Variants in TAFA2 observed in about 807,000 individuals in gnomAD.
TAFA2 encodes the protein chemokine-like protein TAFA-2.
In TAFA2, 7 loss-of-function variants were observed where a neutral mutation model predicts 18.8. The observed-to-expected ratio is 0.37, with a 90% confidence interval of 0.21 to 0.70. The LOEUF (loss-of-function observed/expected upper bound fraction) is 0.70, where lower values mean the gene tolerates loss of function less well. Ranked by LOEUF, TAFA2 falls within the 30% of genes least tolerant of loss-of-function variation. The pLI, the probability that TAFA2 is intolerant of heterozygous loss-of-function variation, is 0.53. For synonymous variants in TAFA2, 60 were observed against 54.2 expected (o/e 1.11, Z -0.47); for missense variants, 122 against 158.1 (o/e 0.77, Z 1.23).
intron 1 of TAFA2, among the ~76,000 whole-genome samples, chr12:62,041,622 A>G (rs867725001): frequency 3.3e-5 from 5 of 152,190 alleles, no homozygotes; most frequent in African/African-American, 1.2e-4. Context: ...TTAACTGGTC[A>G]TCTAGCTAAA....
At chr12:62,043,365 A>G (rs1881815481) in intron 1 of TAFA2, among the ~76,000 whole-genome samples, 1 of 152,142 alleles carries the variant, frequency 6.6e-6, no homozygotes, top group East Asian at 1.9e-4. Flanking sequence ...TCGCAAGGAC[A>G]AAAAACCAAA....
chr12:61,999,743 G>A (rs1880318671), intron 1 of TAFA2, among the ~76,000 whole-genome samples: 2 of 152,172 alleles, frequency 1.3e-5, no homozygotes, highest in Non-Finnish European at 2.9e-5. Flanking sequence ...CACAGTGTCT[G>A]GCACAAATTA....
chr12:62,049,095 T>A (rs562260555), intron 1 of TAFA2, among the ~76,000 whole-genome samples: 1 of 152,154 alleles, frequency 6.6e-6, no homozygotes, highest in East Asian at 1.9e-4. Context: ...TTAGGTGGAG[T>A]ACAACCTCCA....
intron 2 of TAFA2, among the ~76,000 whole-genome samples, chr12:61,842,633 A>G (rs1420290895): frequency 6.6e-6 from 1 of 152,090 alleles, no homozygotes; most frequent in Non-Finnish European, 1.5e-5. Context: ...TCTAGATCAG[A>G]ACAAATCCAA....
chr12:62,240,623 T>G lies in TAFA2; in HGVS notation c.-130+18140A>C, dbSNP rs1419893995. ...CATGACAACTAGTTGAATGAATAGA[T>G]TCCATTCAATTATTTTATTCAAATT... On this transcript the variant is annotated intron_variant, in intron 1 of 5. Coordinates refer to the TAFA2 transcript ENST00000551619. Among the ~76,000 whole-genome samples the G allele has an allele frequency of 2.6e-5, 4 of 152,256 alleles. No individual in the cohort carries two copies. The East Asian group carries it at 7.7e-4, about 29-fold the overall frequency.
intron 1 of TAFA2, among the ~76,000 whole-genome samples, chr12:62,093,114 A>G (rs1407995658): frequency 6.6e-6 from 1 of 152,058 alleles, no homozygotes; most frequent in Non-Finnish European, 1.5e-5. Context: ...ACTATTACAG[A>G]GAACTTGGCT....
At chr12:61,841,701 G>T (rs1447811379) in intron 2 of TAFA2, among the ~76,000 whole-genome samples, 2 of 151,874 alleles carry the variant, frequency 1.3e-5, no homozygotes, top group Non-Finnish European at 2.9e-5. Context: ...ATTTTGATAG[G>T]AATTGCATTG....
At chr12:62,018,064 A>C (rs1880998217) in intron 1 of TAFA2, among the ~76,000 whole-genome samples, 1 of 152,146 alleles carries the variant, frequency 6.6e-6, no homozygotes, top group Non-Finnish European at 1.5e-5. Flanking sequence ...GAATGCAGGG[A>C]ATTTCCCCAT....
At position 62,121,985 on chromosome 12, in the gene TAFA2, C is replaced by T. The variant is rs569140700; in HGVS notation, c.-2+69274G>A. Reference sequence around the variant, plus strand: ...TAACACAGGAACAGAAAACCAACTACCACACATTCTCACTTATAAGTGGAA... The same window carrying T: ...TAACACAGGAACAGAAAACCAACTATCACACATTCTCACTTATAAGTGGAA... On this transcript the variant is annotated intron_variant, in intron 1 of 4. Transcript: ENST00000416284. 8.5e-5 allele frequency among the ~76,000 whole-genome samples: 13 copies of T among 152,232 alleles called. No homozygotes were observed. The East Asian group carries it at 2.1e-3, about 25-fold the overall frequency.
intron 1 of TAFA2, among the ~76,000 whole-genome samples, chr12:61,906,432 C>T (rs1263063102): frequency 1.3e-5 from 2 of 152,184 alleles, no homozygotes; most frequent in African/African-American, 4.8e-5. Context: ...GACTTTGTTC[C>T]TCCTTTGCCT....
intron 1 of TAFA2, among the ~76,000 whole-genome samples, chr12:62,213,099 T>C (rs914541830): frequency 1.3e-5 from 2 of 152,246 alleles, no homozygotes; most frequent in Non-Finnish European, 2.9e-5. Context: ...TATAAATGCC[T>C]GTCTTTTCTT....
chr12:61,897,871 C>A (rs1276544530), intron 1 of TAFA2, among the ~76,000 whole-genome samples: 1 of 152,198 alleles, frequency 6.6e-6, no homozygotes, highest in Non-Finnish European at 1.5e-5. Context: ...AACTCCAAGT[C>A]AAAAGTCTCA....
At chr12:62,054,688 A>C (rs1048980305) in intron 1 of TAFA2, among the ~76,000 whole-genome samples, 1 of 152,190 alleles carries the variant, frequency 6.6e-6, no homozygotes, top group African/African-American at 2.4e-5. Context: ...TAAAGCTGCT[A>C]CTTTACATAA....
chr12:62,256,759 G>A (rs924296822), intron 1 of TAFA2, among the ~76,000 whole-genome samples: 1 of 152,034 alleles, frequency 6.6e-6, no homozygotes, highest in African/African-American at 2.4e-5. Context: ...AAAGTGCCTC[G>A]TGGCACTTAC....
chr12:61,884,310 A>G (rs1359047368), intron 1 of TAFA2, among the ~76,000 whole-genome samples: 1 of 152,182 alleles, frequency 6.6e-6, no homozygotes, highest in Admixed American at 6.5e-5. Context: ...TGCAAAGGAC[A>G]TCAGCCTAAA....
At chr12:61,926,667 C>G (rs995444064) in intron 1 of TAFA2, among the ~76,000 whole-genome samples, 4 of 152,126 alleles carry the variant, frequency 2.6e-5, no homozygotes, top group African/African-American at 9.7e-5. Flanking sequence ...TAAAAACTCT[C>G]AATAAATTAG....
At chr12:61,726,326 G>T (rs1294715304) in intron 4 of TAFA2, among the ~76,000 whole-genome samples, 1 of 151,868 alleles carries the variant, frequency 6.6e-6, no homozygotes, top group Non-Finnish European at 1.5e-5. Flanking sequence ...GCTTTTGGCG[G>T]TATGCTTATT....
At position 61,962,061 on chromosome 12, in the gene TAFA2, C is replaced by A. The variant is rs56119366; in HGVS notation, c.-1-94635G>T. ...TTGATTTACAACAATACTTTCACTACGTATATTGATTTACATTAAGGCCAA... is the reference window on the plus strand; with the variant it reads ...TTGATTTACAACAATACTTTCACTAAGTATATTGATTTACATTAAGGCCAA... On this transcript the variant is annotated intron_variant, in intron 1 of 4. Coordinates refer to ENST00000416284, the MANE Select transcript of TAFA2 (RefSeq NM_178539.5). Among the ~76,000 whole-genome samples, 620 of 152,046 alleles carry A rather than the reference C, an allele frequency of 4.1e-3. 3 individuals are homozygous for A. Among genetic ancestry groups the A allele is most frequent in the African/African-American group, 0.014 (595 of 41,522 alleles).
chr12:62,112,485 G>A (rs2136867428), intron 1 of TAFA2, among the ~76,000 whole-genome samples: 1 of 152,216 alleles, frequency 6.6e-6, no homozygotes, highest in South Asian at 2.1e-4. Context: ...TCTTCTCAAG[G>A]AGTATCTTTG....
Sources: allele counts gnomAD v4.1 joint callset (sites outside exome capture counted in the v4.1 genomes callset), GRCh38; gene constraint gnomAD v4.1.1; transcripts MANE v1.5; gene names NCBI Gene and HGNC (gene_info 2026-07-23, HGNC 2026-07-21).